The following DMPK variants were observed in gnomAD, a reference collection of about 807,000 sequenced individuals.
DMPK encodes myotonin-protein kinase.
DMPK carries 32 observed loss-of-function variants against 70.3 expected under a neutral mutation model. The ratio of observed to expected loss-of-function variants is 0.46; its 90% CI spans 0.34 to 0.61. The LOEUF (loss-of-function observed/expected upper bound fraction) is 0.61. DMPK is among the 20% of genes least tolerant of loss of function. The pLI is 0.01. For synonymous variants in DMPK, 469 were observed against 390.9 expected (o/e 1.20, Z -2.36); for missense variants, 899 against 886.0 (o/e 1.01, Z -0.19).
rs1436402986 is a variant in DMPK at position 45,778,234 on chromosome 19, A to G, written c.582-14T>C. 6.2e-7 allele frequency: 1 copy of G among 1,608,258 alleles called. No homozygotes were observed. Among genetic ancestry groups the G allele is most frequent in the Non-Finnish European group, 8.5e-7 (1 of 1,176,186 alleles). On this transcript the variant is annotated splice_polypyrimidine_tract_variant and intron_variant, in intron 5 of 14. Coordinates refer to ENST00000291270, the MANE Select transcript of DMPK (RefSeq NM_004409.5). ...GGTTTGATGTCCCTGCACGGAGGAA[A>G]AGAGAAGGGTGGGATAAATGAACCT...
At chr19:45,772,252 T>G (rs1478680209) in intron 10 of DMPK, 6 of 396,262 alleles carry the variant, frequency 1.5e-5, no homozygotes, top group Non-Finnish European at 2.7e-5. Flanking sequence ...GGGTTTTGTT[T>G]CCTGCTGGCC....
chr19:45,773,683 C>CT (rs1969608029), intron 9 of DMPK, among the ~76,000 whole-genome samples: 1 of 152,322 alleles, frequency 6.6e-6, no homozygotes, highest in Non-Finnish European at 1.5e-5. Context: ...CCAGGTCTCA[C>CT]TTTGTTGCCT....
In DMPK at chr19:45,772,757, G is replaced by A; in HGVS notation, c.1233-5C>T. The A allele has an allele frequency of 6.9e-7, 1 of 1,453,074 alleles. No homozygotes were observed. Among genetic ancestry groups the A allele is most frequent in the Non-Finnish European group, 9.1e-7 (1 of 1,099,020 alleles). The allele number at this position is 1,453,074 out of a possible 1,614,324, so 90.0% of individuals were successfully genotyped here. A position where few individuals can be genotyped will look rare whatever the true frequency, so the allele number is the denominator to read the frequency against. The stretch of plus-strand genomic sequence containing the variant: ...GGGCCTGGGACCTCACTGTCCCTGG[G>A]GAGAGGAGGAGGGAGTGGGGAGGGA... On this transcript the variant is annotated splice_polypyrimidine_tract_variant and splice_region_variant and intron_variant, in intron 9 of 14. Transcript: ENST00000291270.
At chr19:45,779,552 G>A in intron 2 of DMPK, 30 bp from the exon 3 acceptor site, 1 of 1,613,092 alleles carries the variant, frequency 6.2e-7, no homozygotes, top group Non-Finnish European at 8.5e-7. Flanking sequence ...ACAGAGTGGA[G>A]ACGGCGGGAA....
In DMPK at chr19:45,771,384, A is replaced by G; in HGVS notation, c.1613T>C (p.Val538Ala). ...QAEGATAVTG[V>A]PSPRATDPPS... ...TGGATCCGTGGCCCGGGGACTGGGG[A>G]CCCCCGTGACAGCTGGAAGGAGAAG... The change falls in exon 13 of 15, where the codon GTC becomes GCC. Residue 538 changes from valine (V) to alanine (A), a missense_variant. Transcript: ENST00000291270. The G allele has an allele frequency of 6.2e-7, 1 of 1,604,378 alleles. No homozygotes were observed.
Position 45,770,574 on chromosome 19 carries a change from C to T in DMPK, c.1804G>A (p.Ala602Thr). The change falls in exon 15 of 15, where the codon GCC becomes ACC. Residue 602 changes from alanine to threonine, a missense_variant. By Grantham distance (58) the Ala-to-Thr change is moderately conservative. Coordinates refer to ENST00000291270, the MANE Select transcript of DMPK (RefSeq NM_004409.5). ...LLFAVVLSRA[A>T]ALGCIGLVAH... ...ACCAACCCAATGCAGCCCAGGGCGG[C>T]GGCACGAGACAGAACAACGGCGAAC... The T allele has an allele frequency of 1.3e-6, 2 of 1,551,770 alleles. No homozygotes were observed. The highest frequency in any genetic ancestry group is 1.7e-6 in the Non-Finnish European group (2 of 1,147,534).
In DMPK at chr19:45,775,599, T is replaced by G. The variant is rs190995682; in HGVS notation, c.1147-565A>C. The stretch of plus-strand genomic sequence containing the variant: ...CACAACCCCAGCCCACTGCAAACTC[T>G]GCCTCCCAGGTTCAATCAAGCGATT... On this transcript the variant is annotated intron_variant, in intron 8 of 14. Coordinates refer to ENST00000291270, the MANE Select transcript of DMPK (RefSeq NM_004409.5). Among the ~76,000 whole-genome samples, 2 of 108,942 alleles carry G rather than the reference T, an allele frequency of 1.8e-5. 1 individual carries two copies. Among genetic ancestry groups the G allele is most frequent in the Non-Finnish European group, 4.0e-5 (2 of 50,628 alleles). The allele number at this position is 108,942 out of a possible 152,430, so 71.5% of individuals were successfully genotyped here. A position where few individuals can be genotyped will look rare whatever the true frequency, so the allele number is the denominator to read the frequency against.
chr19:45,779,732 C>T, intron 2 of DMPK, 46 bp downstream of exon 2: 1 of 1,537,046 alleles, frequency 6.5e-7, no homozygotes, highest in Non-Finnish European at 8.7e-7. Flanking sequence ...ACCCCTATGC[C>T]CCGCCCACCA....
Position 45,780,692 on chromosome 19 carries a change from G to A in DMPK, c.161-823C>T, listed in dbSNP as rs80245764. The A allele has an allele frequency of 1.2e-4, 104 of 834,058 alleles. No individual in the cohort carries two copies. In the Admixed American group the frequency reaches 1.6e-3, roughly 13 times the overall value. 51.7% of individuals were successfully genotyped at this position (834,058 alleles called of 1,614,324 possible). A position where few individuals can be genotyped will look rare whatever the true frequency, so the allele number is the denominator to read the frequency against. ...AGAGAGGGATGGGTATGGGAGGGGA[G>A]GGAAGGAGAGGAGACAGTGGGTTCT... On this transcript the variant is annotated intron_variant, in intron 1 of 14. Transcript: ENST00000291270.
At position 45,771,751 on chromosome 19, in the gene DMPK, GC is replaced by G; in HGVS notation, c.1502+19del. On this transcript the variant is annotated intron_variant, in intron 11 of 14. Transcript: ENST00000291270. ...GCCACCGGCCCGCATCCCGGCCCCG[GC>G]CCCGGCCCCGATCCCGACCTGGCGA... 5 of 1,587,982 alleles carry G rather than the reference GC, an allele frequency of 3.1e-6. No individual in the cohort carries two copies. The highest frequency in any genetic ancestry group is 3.4e-6 in the Non-Finnish European group (4 of 1,166,700).
At chr19:45,782,058 T>C in intron 1 of DMPK, 135 bp downstream of exon 1, 1 of 832,966 alleles carries the variant, frequency 1.2e-6, no homozygotes, top group Non-Finnish European at 1.8e-6. Flanking sequence ...GTCCACACTC[T>C]GAGCCCCAGG....
At position 45,777,914 on chromosome 19, in the gene DMPK, C is replaced by A; in HGVS notation, c.676-41G>T. ...CAGAGCGAGGCTTGGGCCCACCCCT[C>A]TGGGCCCACCAGCTCTGGGCCCTCC... On this transcript the variant is annotated intron_variant, in intron 6 of 14. Coordinates refer to ENST00000291270, the MANE Select transcript of DMPK (RefSeq NM_004409.5). The surrounding 1 kb of genome is among the most constrained non-coding windows in gnomAD (Gnocchi z 6.7). The A allele has an allele frequency of 6.4e-7, 1 of 1,551,084 alleles. No individual in the cohort carries two copies. Among genetic ancestry groups the A allele is most frequent in the East Asian group, 2.2e-5 (1 of 44,494 alleles).
At chr19:45,779,635 C>T in intron 2 of DMPK, 113 bp from the exon 3 acceptor site, 1 of 1,561,410 alleles carries the variant, frequency 6.4e-7, no homozygotes, top group South Asian at 1.2e-5. Flanking sequence ...ACCTGCCACA[C>T]CACGCCCATT....
intron 10 of DMPK, 62 bp from the exon 11 acceptor site, chr19:45,771,990 C>T (rs1311530187): frequency 8.7e-6 from 13 of 1,486,242 alleles, no homozygotes; most frequent in Non-Finnish European, 1.1e-5. Flanking sequence ...GACTTGGGCA[C>T]TGGTTCCAGG....
intron 2 of DMPK, 88 bp downstream of exon 2, chr19:45,779,690 G>C (rs188046657): frequency 2.6e-6 from 4 of 1,530,328 alleles, no homozygotes; most frequent in Admixed American, 4.0e-5. Context: ...TCTAAGGCTC[G>C]GTCATTCATC....
chr19:45,770,204 CCAGCAGCAGCAG>C lies in DMPK; in HGVS notation c.*272_*283del. The C allele has an allele frequency of 0.012, 8,867 of 715,372 alleles. 499 individuals carry two copies. Among genetic ancestry groups the C allele is most frequent in the South Asian group, 0.031 (2,002 of 63,616 alleles). 44.3% of individuals were successfully genotyped at this position (715,372 alleles called of 1,614,324 possible). On this transcript the variant is annotated 3_prime_UTR_variant, in exon 15 of 15. Transcript: ENST00000291270. ...AAGAAAGAAATGGTCTGTGATCCCC[CCAGCAGCAGCAG>C]CAGCAGCAGCAGCAGCAGCAGCAGC... is the stretch of plus-strand genomic sequence containing the variant.
At position 45,770,601 on chromosome 19, in the gene DMPK, G is replaced by T. The variant is rs748233151; in HGVS notation, c.1777C>A (p.Leu593Met). 13 of 1,552,950 alleles carry T rather than the reference G, an allele frequency of 8.4e-6. No individual in the cohort carries two copies. Among genetic ancestry groups the T allele is most frequent in the African/African-American group, 1.4e-5 (1 of 73,116 alleles). Residue 593 changes from leucine (L) to methionine (M), a missense_variant, in exon 15 of 15, where the codon CTG becomes ATG. Leu to Met is a conservative substitution (Grantham distance 15, BLOSUM62 2). This residue lies in a region of DMPK where 555 missense variants were observed against 483.8 expected (regional missense o/e 1.15). Coordinates refer to ENST00000291270, the MANE Select transcript of DMPK (RefSeq NM_004409.5). The part of the protein sequence containing the change: ...PGLSEALSLL[L>M]FAVVLSRAAA... ...GCACGAGACAGAACAACGGCGAACA[G>T]GAGCAGGGAAAGCGCCTCCGATAGG...
Position 45,777,371 on chromosome 19 carries a change from C to T in DMPK, c.1102G>A (p.Asp368Asn), listed in dbSNP as rs781234107. The change falls in exon 8 of 15, where the codon GAC (aspartate) becomes AAC (asparagine). Residue 368 changes from aspartate (D) to asparagine (N), a missense_variant. Asp to Asn is a conservative substitution (Grantham distance 23, BLOSUM62 1). This residue lies in a region of DMPK where 555 missense variants were observed against 483.8 expected (regional missense o/e 1.15). Coordinates refer to ENST00000291270, the MANE Select transcript of DMPK (RefSeq NM_004409.5). This position sits in a 1 kb window ranked among gnomAD's most constrained non-coding sequence, Gnocchi z 6.7. The stretch of plus-strand genomic sequence containing the variant: ...GCAGTGAGCCCGTCCTCCACCAAGT[C>T]GAAGTTGCATGTGTCGGTGGCACCT... ...FEGATDTCNF[D>N]LVEDGLTAMV... 3.7e-6 allele frequency: 6 copies of T among 1,605,830 alleles called. No homozygotes were observed. In the South Asian group the frequency reaches 4.4e-5, roughly 12 times the overall value.
In DMPK at chr19:45,770,589, C is replaced by CT; in HGVS notation, c.1788_1789insA (p.Val597SerfsTer49). Reference sequence around the variant, plus strand: ...CCCAGGGCGGCGGCACGAGACAGAACAACGGCGAACAGGAGCAGGGAAAGC... The same window carrying CT: ...CCCAGGGCGGCGGCACGAGACAGAACTAACGGCGAACAGGAGCAGGGAAAGC... On this transcript the variant is annotated frameshift_variant, in exon 15 of 15. Transcript: ENST00000291270. LOFTEE classifies it high-confidence loss of function. The CT allele has an allele frequency of 6.4e-7, 1 of 1,552,556 alleles. No homozygotes were observed. The highest frequency in any genetic ancestry group is 2.4e-5 in the East Asian group (1 of 41,012).
Sources: allele counts gnomAD v4.1 joint callset (sites outside exome capture counted in the v4.1 genomes callset), GRCh38; gene constraint gnomAD v4.1.1; regional missense constraint gnomAD v4.1.1; non-coding constraint Gnocchi (gnomAD v3.1); transcripts MANE v1.5; gene names NCBI Gene and HGNC (gene_info 2026-07-23, HGNC 2026-07-21).